Variants in FGF14 observed in about 807,000 individuals in gnomAD.
FGF14 encodes the protein fibroblast growth factor homologous factor 4.
Under a neutral mutation model 25.5 loss-of-function variants are expected in FGF14, and 5 were observed. That is an observed-to-expected ratio of 0.20 (90% CI 0.10 to 0.41). FGF14 has a LOEUF of 0.41. Among genes scored for constraint, FGF14 ranks in the 10% least tolerant of loss-of-function variants. The pLI is 1.00. For missense variants in FGF14, 222 were observed against 320.1 expected (o/e 0.69, Z 2.34); for synonymous variants, 138 against 118.3 (o/e 1.17, Z -1.08).
At chr13:102,075,181 G>A (rs2043308370) in intron 1 of FGF14, among the ~76,000 whole-genome samples, 1 of 152,186 alleles carries the variant, frequency 6.6e-6, no homozygotes, top group Non-Finnish European at 1.5e-5. Context: ...AAACTCTGAA[G>A]ACTTCACCAG....
chr13:102,132,258 T>C (rs1279827606), intron 1 of FGF14, among the ~76,000 whole-genome samples: 3 of 152,120 alleles, frequency 2.0e-5, no homozygotes, highest in South Asian at 2.1e-4. Context: ...GGGGAGATCT[T>C]ACACACATAA....
chr13:101,853,513 C>T (rs1433407338), intron 3 of FGF14, among the ~76,000 whole-genome samples: 2 of 152,040 alleles, frequency 1.3e-5, no homozygotes, highest in East Asian at 1.9e-4. Flanking sequence ...GGTGCAGTGG[C>T]ATGATCATGG....
intron 1 of FGF14, among the ~76,000 whole-genome samples, chr13:102,139,984 G>A (rs1413847918): frequency 2.0e-5 from 3 of 150,492 alleles, no homozygotes; most frequent in South Asian, 4.2e-4. Flanking sequence ...ATGTCATTAC[G>A]TACAAGCCTT....
At chr13:101,854,157 C>A (rs73563212) in intron 3 of FGF14, among the ~76,000 whole-genome samples, 2,722 of 152,128 alleles carry the variant, frequency 0.018, 80 homozygotes, top group African/African-American at 0.062. Flanking sequence ...AAACTGTGTG[C>A]GTACAATTTA....
chr13:101,899,003 C>T (rs546824728), intron 1 of FGF14, among the ~76,000 whole-genome samples: 10 of 152,210 alleles, frequency 6.6e-5, no homozygotes, highest in African/African-American at 2.2e-4. Flanking sequence ...GCTAAGGAGA[C>T]AAAAATTAGA....
At chr13:101,754,677 C>T (rs969300398) in intron 3 of FGF14, among the ~76,000 whole-genome samples, 3 of 151,728 alleles carry the variant, frequency 2.0e-5, no homozygotes, top group Admixed American at 6.6e-5. Context: ...TGCAGTGACC[C>T]GAGATCACAC....
intron 1 of FGF14, among the ~76,000 whole-genome samples, chr13:102,384,169 G>C (rs1281532926): frequency 1.3e-5 from 2 of 152,056 alleles, no homozygotes; most frequent in Non-Finnish European, 2.9e-5. Flanking sequence ...GCAAAAAAGG[G>C]AAGTTAAAAC....
At chr13:102,095,908 A>G (rs1289436429) in intron 1 of FGF14, among the ~76,000 whole-genome samples, 5 of 151,546 alleles carry the variant, frequency 3.3e-5, no homozygotes, top group African/African-American at 1.2e-4. Flanking sequence ...TGAATTTTCT[A>G]CTGTGAGTGG....
chr13:101,985,349 T>C (rs1228394587), intron 1 of FGF14, among the ~76,000 whole-genome samples: 1 of 152,084 alleles, frequency 6.6e-6, no homozygotes, highest in Admixed American at 6.6e-5. Context: ...TATGTGTGTT[T>C]CATTATTTAT....
At position 101,726,718 on chromosome 13, in the gene FGF14, A is replaced by C; in HGVS notation, c.501T>G (p.Ser167=). ...TTAATCCCAAAAACCAGGCTCTACC[A>C]GATTCCTGTTGTCTGTACAACATGG... is the stretch of plus-strand genomic sequence containing the variant. ...YSSMLYRQQE[S]GRAWFLGLNK... Residue 167 remains serine (S), a synonymous_variant, in exon 4 of 5, where the codon TCT becomes TCG. Coordinates refer to ENST00000376143, the MANE Select transcript of FGF14 (RefSeq NM_004115.4). 6.2e-7 allele frequency: 1 copy of C among 1,613,330 alleles called. No individual in the cohort carries two copies. Among genetic ancestry groups the C allele is most frequent in the Non-Finnish European group, 8.5e-7 (1 of 1,179,468 alleles).
intron 1 of FGF14, among the ~76,000 whole-genome samples, chr13:101,906,905 C>T (rs1169302656): frequency 6.6e-6 from 1 of 152,074 alleles, no homozygotes; most frequent in East Asian, 1.9e-4. Flanking sequence ...ACAAATCTAT[C>T]CATGAAAACG....
At chr13:102,328,267 C>G (rs898059328) in intron 1 of FGF14, among the ~76,000 whole-genome samples, 1 of 152,146 alleles carries the variant, frequency 6.6e-6, no homozygotes, top group Non-Finnish European at 1.5e-5. Context: ...GCTTATTTAT[C>G]AAAAATTTTG....
intron 3 of FGF14, among the ~76,000 whole-genome samples, chr13:101,754,586 G>C (rs888296088): frequency 6.6e-6 from 1 of 151,906 alleles, no homozygotes; most frequent in Non-Finnish European, 1.5e-5. Context: ...AAACTCAGCC[G>C]AGCGTAGTGG....
At chr13:102,022,728 G>A (rs2040723238) in intron 1 of FGF14, among the ~76,000 whole-genome samples, 1 of 151,990 alleles carries the variant, frequency 6.6e-6, no homozygotes, top group Non-Finnish European at 1.5e-5. Flanking sequence ...ATACTCAAAT[G>A]AAATATATGC....
At chr13:101,801,718 G>T (rs1235682297) in intron 3 of FGF14, among the ~76,000 whole-genome samples, 5 of 152,192 alleles carry the variant, frequency 3.3e-5, no homozygotes, top group Non-Finnish European at 5.9e-5. Context: ...AGAGTTCAGT[G>T]TTGATGGTGA....
At chr13:102,154,049 T>A (rs2064230687) in intron 1 of FGF14, among the ~76,000 whole-genome samples, 1 of 152,032 alleles carries the variant, frequency 6.6e-6, no homozygotes, top group Non-Finnish European at 1.5e-5. Flanking sequence ...TATCTCTGAG[T>A]TTAGCTCGTA....
At chr13:102,104,910 A>G (rs1396501568) in intron 1 of FGF14, among the ~76,000 whole-genome samples, 1 of 152,222 alleles carries the variant, frequency 6.6e-6, no homozygotes, top group African/African-American at 2.4e-5. Flanking sequence ...CCCTATGTAC[A>G]AAGACATAGG....
chr13:102,338,536 CATA>C, intron 1 of FGF14, among the ~76,000 whole-genome samples: 1 of 152,094 alleles, frequency 6.6e-6, no homozygotes, highest in East Asian at 1.9e-4. Context: ...GTTTAATGAA[CATA>C]AGTAGAAAAA....
At chr13:101,951,792 T>G (rs61965225) in intron 1 of FGF14, among the ~76,000 whole-genome samples, 4,524 of 152,280 alleles carry the variant, frequency 0.03, 98 homozygotes, top group Middle Eastern at 0.048. Context: ...TGCAGCAGCA[T>G]CATCATTTAT....
Sources: allele counts gnomAD v4.1 joint callset (sites outside exome capture counted in the v4.1 genomes callset), GRCh38; gene constraint gnomAD v4.1.1; transcripts MANE v1.5; gene names NCBI Gene and HGNC (gene_info 2026-07-23, HGNC 2026-07-21).